Variants in P2RY6 observed in about 807,000 individuals in gnomAD.
P2RY6 encodes the protein pyrimidinergic receptor P2Y6.
P2RY6 carries 19 observed loss-of-function variants against 16.3 expected under a neutral mutation model. That is an observed-to-expected ratio of 1.16 (90% confidence interval 0.81 to 1.71). The LOEUF (loss-of-function observed/expected upper bound fraction) is 1.71, where lower values mean the gene tolerates loss of function less well. Ranked by LOEUF, P2RY6 falls within the 40% of genes most tolerant of loss-of-function variation. The pLI is 0.00. For synonymous variants in P2RY6, 184 were observed against 201.5 expected, an observed-to-expected ratio of 0.91 and a Z score of 0.74; for missense variants, 389 against 455.5, an observed-to-expected ratio of 0.85 and a Z score of 1.33.
chr11:73,288,878 C>G (rs1182357226), intron 1 of P2RY6, among the ~76,000 whole-genome samples: 4 of 152,214 alleles, frequency 2.6e-5, no homozygotes, highest in Non-Finnish European at 5.9e-5. Context: ...CATCCTGTGC[C>G]CTTTCTGCTA....
At chr11:73,272,597 G>A (rs1863359424) in intron 1 of P2RY6, 131 bp downstream of exon 1, 1 of 733,872 alleles carries the variant, frequency 1.4e-6, no homozygotes, top group Non-Finnish European at 1.7e-6. Flanking sequence ...GGCAGGCACT[G>A]GGGTCCTCCT....
chr11:73,276,577 G>A (rs1863545744), intron 1 of P2RY6, among the ~76,000 whole-genome samples: 1 of 152,162 alleles, frequency 6.6e-6, no homozygotes, highest in South Asian at 2.1e-4. Flanking sequence ...GATGAACCCT[G>A]AAGACACGCT....
chr11:73,273,486 C>CTGGG, intron 1 of P2RY6, among the ~76,000 whole-genome samples: 1 of 152,196 alleles, frequency 6.6e-6, no homozygotes, highest in African/African-American at 2.4e-5. Context: ...GTGTGACTGG[C>CTGGG]TGGGTGGGTG....
chr11:73,265,816 C>T (rs975541497), intron 1 of P2RY6, among the ~76,000 whole-genome samples: 16 of 152,296 alleles, frequency 1.1e-4, no homozygotes, highest in South Asian at 4.1e-4. Flanking sequence ...TTTAAGCAAA[C>T]GCAGAAATAT....
intron 2 of P2RY6, among the ~76,000 whole-genome samples, chr11:73,296,247 T>A (rs1195421632): frequency 6.9e-6 from 1 of 145,738 alleles, no homozygotes; most frequent in African/African-American, 2.5e-5. Context: ...TATATATATA[T>A]ATATATATAT....
At position 73,297,030 on chromosome 11, in the gene P2RY6, AGCGTAACC is replaced by A. The variant is rs1190298781; in HGVS notation, c.515_522del (p.Arg172HisfsTer5). 3.1e-6 allele frequency: 5 copies of A among 1,600,660 alleles called. No individual in the cohort carries two copies. The highest frequency in any genetic ancestry group is 4.2e-6 in the Non-Finnish European group (5 of 1,179,942). On this transcript the variant is annotated frameshift_variant, in exon 3 of 3. Transcript: ENST00000540124. LOFTEE classifies it high-confidence loss of function. The stretch of plus-strand genomic sequence containing the variant: ...GCCATCTTCGCTGCCACAGGCATCC[AGCGTAACC>A]GCACTGTCTGCTATGACCTCAGCCC...
intron 1 of P2RY6, among the ~76,000 whole-genome samples, chr11:73,283,069 G>A (rs1214489517): frequency 6.6e-6 from 1 of 152,200 alleles, no homozygotes; most frequent in Non-Finnish European, 1.5e-5. Context: ...GCTTTGCAGA[G>A]GGAACAGTGA....
chr11:73,266,912 C>G (rs1230218871), intron 1 of P2RY6, among the ~76,000 whole-genome samples: 1 of 152,284 alleles, frequency 6.6e-6, no homozygotes, highest in East Asian at 1.9e-4. Flanking sequence ...CCTGGCCCAG[C>G]CCTGACTTTC....
intron 1 of P2RY6, among the ~76,000 whole-genome samples, chr11:73,289,087 G>C (rs1006926049): frequency 6.6e-6 from 1 of 152,236 alleles, no homozygotes; most frequent in South Asian, 2.1e-4. Flanking sequence ...AGATATGAAG[G>C]CCTCAGGGGA....
upstream of P2RY6, among the ~76,000 whole-genome samples, chr11:73,270,979 T>C (rs1373478016): frequency 1.3e-5 from 2 of 152,222 alleles, no homozygotes; most frequent in Non-Finnish European, 2.9e-5. Flanking sequence ...CTGCTATATA[T>C]TTACTCATTA....
At position 73,297,443 on chromosome 11, in the gene P2RY6, C is replaced by T. The variant is rs142217062; in HGVS notation, c.925C>T (p.Arg309Cys). ...CTTCTACTTCACCCAGAAGAAGTTC[C>T]GCCGGCGACCACATGAGCTCCTACA... Reference protein sequence around the residue: ...ILFYFTQKKFRRRPHELLQKL... With the variant: ...ILFYFTQKKFCRRPHELLQKL... The change falls in exon 3 of 3, where the codon CGC (arginine) becomes TGC (cysteine). Residue 309 changes from arginine (R) to cysteine (C), a missense_variant. Physicochemically the swap from Arg to Cys is radical, Grantham distance 180. Transcript: ENST00000540124. The T allele has an allele frequency of 2.9e-5, 47 of 1,612,348 alleles. No individual in the cohort carries two copies. The African/African-American group carries it at 4.5e-4, about 16-fold the overall frequency.
Position 73,297,735 on chromosome 11 carries a change from C to T in P2RY6, c.*230C>T. Reference sequence around the variant, plus strand: ...CCTGGGCCTGGCTCTTGAGAGGTCCCAGTCAGCCATGGAGAGCTGGGGAAA... The same window carrying T: ...CCTGGGCCTGGCTCTTGAGAGGTCCTAGTCAGCCATGGAGAGCTGGGGAAA... On this transcript the variant is annotated 3_prime_UTR_variant, in exon 3 of 3. Coordinates refer to ENST00000540124, the MANE Select transcript of P2RY6 (RefSeq NM_001277204.2). The T allele has an allele frequency of 1.7e-6, 1 of 576,336 alleles. No homozygotes were observed. The highest frequency in any genetic ancestry group is 2.9e-5 in the East Asian group (1 of 34,746). The allele number at this position is 576,336 out of a possible 1,614,324, so 35.7% of individuals were successfully genotyped here. A position where few individuals can be genotyped will look rare whatever the true frequency, so the allele number is the denominator to read the frequency against.
At chr11:73,289,981 C>T (rs893998311) in intron 1 of P2RY6, among the ~76,000 whole-genome samples, 7 of 152,036 alleles carry the variant, frequency 4.6e-5, no homozygotes, top group South Asian at 2.1e-4. Flanking sequence ...CAGCACTTCG[C>T]GAGGCCGAGG....
In P2RY6 at chr11:73,289,954, G is replaced by A. The variant is rs1404255306; in HGVS notation, c.-120-5776G>A. Among the ~76,000 whole-genome samples, 3 of 152,288 alleles carry A rather than the reference G, an allele frequency of 2.0e-5. No homozygotes were observed. In the South Asian group the frequency reaches 6.2e-4, roughly 32 times the overall value. On this transcript the variant is annotated intron_variant, in intron 1 of 2. Coordinates refer to ENST00000540124, the MANE Select transcript of P2RY6 (RefSeq NM_001277204.2). ...GAAACAATACTGGCCAGGCACGGTG[G>A]CTCACGCCTGTAATCCCAGCACTTC...
chr11:73,273,006 A>G (rs1863380066), intron 1 of P2RY6, among the ~76,000 whole-genome samples: 1 of 151,986 alleles, frequency 6.6e-6, no homozygotes, highest in African/African-American at 2.4e-5. Context: ...AATTGTCCAC[A>G]GAGGAGGCCC....
Position 73,297,563 on chromosome 11 carries a change from C to G in P2RY6, c.*58C>G. ...CCATTGTGTCCGGGGCACCAGGAGCCCCACCAACCCCAAACCATGCGGAGA... is the reference window on the plus strand; with the variant it reads ...CCATTGTGTCCGGGGCACCAGGAGCGCCACCAACCCCAAACCATGCGGAGA... On this transcript the variant is annotated 3_prime_UTR_variant, in exon 3 of 3. Transcript: ENST00000540124. 1 of 1,329,662 alleles carries G rather than the reference C, an allele frequency of 7.5e-7. No individual in the cohort carries two copies. The highest frequency in any genetic ancestry group is 1.3e-5 in the South Asian group (1 of 76,980). 82.4% of individuals were successfully genotyped at this position (1,329,662 alleles called of 1,614,324 possible).
intron 1 of P2RY6, among the ~76,000 whole-genome samples, chr11:73,291,524 C>G (rs901637440): frequency 6.6e-6 from 1 of 152,206 alleles, no homozygotes; most frequent in African/African-American, 2.4e-5. Flanking sequence ...TTAGCACAGG[C>G]CTGAGCAAGC....
At chr11:73,281,878 G>C (rs1164047281) in intron 1 of P2RY6, among the ~76,000 whole-genome samples, 2 of 152,200 alleles carry the variant, frequency 1.3e-5, no homozygotes, top group Non-Finnish European at 2.9e-5. Flanking sequence ...GGGCCTGCAT[G>C]GGTCTGGCAG....
chr11:73,265,410 T>C (rs1404536983), intron 1 of P2RY6: 2 of 152,340 alleles, frequency 1.3e-5, no homozygotes, highest in African/African-American at 4.8e-5. Flanking sequence ...TATTTCTGCA[T>C]ATAAAAACAC....
Sources: allele counts gnomAD v4.1 joint callset (sites outside exome capture counted in the v4.1 genomes callset), GRCh38; gene constraint gnomAD v4.1.1; transcripts MANE v1.5; gene names NCBI Gene and HGNC (gene_info 2026-07-23, HGNC 2026-07-21).